RNF43: variants seen among roughly 807,000 people sequenced by gnomAD.
RNF43 encodes ring finger protein 43, also known as E3 ubiquitin-protein ligase RNF43.
Under a neutral mutation model 78.4 loss-of-function variants are expected in RNF43, and 37 were observed. That is an observed-to-expected ratio of 0.47 (90% confidence interval 0.36 to 0.62). The LOEUF is 0.62. RNF43 is among the 20% of genes least tolerant of loss of function. RNF43 has a pLI of 0.00. For missense variants in RNF43, 774 were observed against 1,007.9 expected (o/e 0.77, Z 3.14); for synonymous variants, 347 against 395.0 (o/e 0.88, Z 1.44).
intron 2 of RNF43, among the ~76,000 whole-genome samples, chr17:58,405,373 G>A (rs577139744): frequency 1.8e-4 from 28 of 152,026 alleles, no homozygotes; most frequent in East Asian, 1.5e-3. Flanking sequence ...CACCGCACCC[G>A]GACTGTAGTA....
chr17:58,394,385 T>A (rs1374064174), intron 2 of RNF43, among the ~76,000 whole-genome samples: 2 of 152,240 alleles, frequency 1.3e-5, no homozygotes, highest in African/African-American at 4.8e-5. Context: ...TCGGCTTATC[T>A]ATGACTTGAT....
chr17:58,362,438 T>G (rs1222332357), intron 6 of RNF43, 106 bp downstream of exon 6: 2 of 716,514 alleles, frequency 2.8e-6, no homozygotes, highest in Non-Finnish European at 4.5e-6. Flanking sequence ...TGTAAATGGT[T>G]CCATAGGTAT....
chr17:58,409,801 G>C (rs751046913), intron 2 of RNF43, among the ~76,000 whole-genome samples: 1 of 152,152 alleles, frequency 6.6e-6, no homozygotes, highest in Non-Finnish European at 1.5e-5. Context: ...TGGGCAGATC[G>C]CTTGAGACTA....
chr17:58,368,943 A>G (rs1259851136), intron 3 of RNF43, among the ~76,000 whole-genome samples: 3 of 152,158 alleles, frequency 2.0e-5, no homozygotes, highest in Non-Finnish European at 4.4e-5. Flanking sequence ...CCTGTGAGGT[A>G]GCAGGCCAGG....
At chr17:58,366,720 A>C (rs1439866923) in intron 3 of RNF43, among the ~76,000 whole-genome samples, 3 of 152,206 alleles carry the variant, frequency 2.0e-5, no homozygotes, top group African/African-American at 7.2e-5. Flanking sequence ...CCTAGTCCAT[A>C]GGGTTGTTAT....
intron 9 of RNF43, 26 bp from the exon 10 acceptor site, chr17:58,355,012 G>C: frequency 6.2e-7 from 1 of 1,608,728 alleles, no homozygotes; most frequent in Non-Finnish European, 8.5e-7. Flanking sequence ...GGGGAGGAAA[G>C]AGGTCATTGA....
chr17:58,378,833 A>G (rs2143551577), intron 2 of RNF43, among the ~76,000 whole-genome samples: 3 of 152,328 alleles, frequency 2.0e-5, no homozygotes, highest in East Asian at 3.9e-4. Context: ...AACTGAGGGA[A>G]AAACTGAGCT....
intron 3 of RNF43, 64 bp from the exon 4 acceptor site, chr17:58,363,664 A>C: frequency 7.2e-7 from 1 of 1,396,730 alleles, no homozygotes; most frequent in Non-Finnish European, 9.9e-7. Flanking sequence ...CCCACAGGCT[A>C]GCCTCACCCC....
At chr17:58,373,411 T>C (rs369907695) in intron 2 of RNF43, among the ~76,000 whole-genome samples, 1 of 152,144 alleles carries the variant, frequency 6.6e-6, no homozygotes, top group African/African-American at 2.4e-5. Context: ...AATTAACAAC[T>C]ATGGAAGAAG....
intron 2 of RNF43, among the ~76,000 whole-genome samples, chr17:58,387,977 C>A (rs1051945960): frequency 1.5e-4 from 22 of 151,484 alleles, no homozygotes; most frequent in African/African-American, 4.9e-4. Context: ...CTCTTCCCCC[C>A]ACCACACACA....
intron 2 of RNF43, among the ~76,000 whole-genome samples, chr17:58,412,648 T>C (rs748223321): frequency 5.0e-4 from 56 of 111,794 alleles, no homozygotes; most frequent in African/African-American, 2.2e-3. Context: ...TGGGGGCACA[T>C]TGTCAAGGGG....
downstream of RNF43, chr17:58,352,864 T>G (rs939025416): frequency 4.6e-6 from 1 of 218,294 alleles, no homozygotes; most frequent in East Asian, 6.7e-5. Context: ...TGTAGGAGAT[T>G]AGGTGTCCTT....
chr17:58,353,029 G>A (rs986738859), downstream of RNF43: 1 of 216,018 alleles, frequency 4.6e-6, no homozygotes, highest in South Asian at 1.8e-4. Context: ...GAGACTTCAC[G>A]CCAATGGAGC....
chr17:58,359,536 G>A (rs1042162668), intron 8 of RNF43, among the ~76,000 whole-genome samples: 17 of 151,864 alleles, frequency 1.1e-4, no homozygotes, highest in African/African-American at 2.2e-4. Context: ...CCTGGGAGGC[G>A]GAGCTTGCAG....
In RNF43 at chr17:58,360,649, C is replaced by A; in HGVS notation, c.849+134G>T. ...ACCAAACTTCAGGCTGGTCCCTGAT[C>A]TCTGCCTCATGCAGGACACATGGGA... is the stretch of plus-strand genomic sequence containing the variant. On this transcript the variant is annotated intron_variant, in intron 7 of 9. Transcript: ENST00000407977. This position sits in a 1 kb window ranked among gnomAD's most constrained non-coding sequence, Gnocchi z 4.3. 1 of 967,892 alleles carries A rather than the reference C, an allele frequency of 1.0e-6. No homozygotes were observed. Among genetic ancestry groups the A allele is most frequent in the Non-Finnish European group, 1.5e-6 (1 of 669,436 alleles). The allele number at this position is 967,892 out of a possible 1,614,324, so 60.0% of individuals were successfully genotyped here.
At chr17:58,355,996 G>C (rs1972677537) in intron 9 of RNF43, among the ~76,000 whole-genome samples, 2 of 149,826 alleles carry the variant, frequency 1.3e-5, no homozygotes, top group Non-Finnish European at 2.9e-5. Context: ...GCAAGAAAAA[G>C]AGAGGCACTG....
chr17:58,362,702 AT>A (rs1972863923), intron 5 of RNF43, 54 bp from the exon 6 acceptor site: 1 of 1,415,718 alleles, frequency 7.1e-7, no homozygotes, highest in Admixed American at 1.9e-5. Flanking sequence ...AGCTGGGTCA[AT>A]TCGGGAGGAA....
intron 2 of RNF43, among the ~76,000 whole-genome samples, chr17:58,401,136 A>G (rs1294046427): frequency 1.3e-5 from 2 of 152,224 alleles, no homozygotes; most frequent in African/African-American, 4.8e-5. Flanking sequence ...TGCTCACTAG[A>G]TGCAGCACTG....
At position 58,354,408 on chromosome 17, in the gene RNF43, C is replaced by CA. The variant is rs559189519; in HGVS notation, c.*534dup. 4 of 230,468 alleles carry CA rather than the reference C, an allele frequency of 1.7e-5. No individual in the cohort carries two copies. The South Asian group carries it at 4.3e-4, about 25-fold the overall frequency. 14.3% of individuals were successfully genotyped at this position (230,468 alleles called of 1,614,324 possible). A position where few individuals can be genotyped will look rare whatever the true frequency, so the allele number is the denominator to read the frequency against. Reference sequence around the variant, plus strand: ...TCACCTATGCTACTGGTCCTTTTGGCAAAAAAGGAAAATGATAGAGCCAGG... The same window carrying CA: ...TCACCTATGCTACTGGTCCTTTTGGCAAAAAAAGGAAAATGATAGAGCCAGG... On this transcript the variant is annotated 3_prime_UTR_variant, in exon 10 of 10. Coordinates refer to ENST00000407977, the MANE Select transcript of RNF43 (RefSeq NM_017763.6).
Sources: gnomAD v4.1 joint callset for allele counts (sites outside exome capture counted in the v4.1 genomes callset) on GRCh38, gnomAD v4.1.1 for gene constraint, Gnocchi (gnomAD v3.1) non-coding constraint, MANE v1.5 for transcripts, NCBI Gene and HGNC (gene_info 2026-07-23, HGNC 2026-07-21) for gene names.